PEAK1: variants seen among roughly 807,000 people sequenced by gnomAD.
PEAK1 encodes the protein pseudopodium enriched atypical kinase 1.
Under a neutral mutation model 124.7 loss-of-function variants are expected in PEAK1, and 54 were observed. The observed-to-expected ratio is 0.43, with a 90% CI of 0.35 to 0.54. The LOEUF (loss-of-function observed/expected upper bound fraction) is 0.54. Among genes scored for constraint, PEAK1 ranks in the 20% least tolerant of loss-of-function variants. PEAK1 has a pLI of 0.01. For synonymous variants in PEAK1, 719 were observed against 760.0 expected (o/e 0.95, Z 0.89); for missense variants, 2,046 against 2,134.5 (o/e 0.96, Z 0.82).
chr15:77,364,876 T>C (rs2068117292), intron 2 of PEAK1, among the ~76,000 whole-genome samples: 1 of 152,218 alleles, frequency 6.6e-6, no homozygotes, highest in South Asian at 2.1e-4. Context: ...AATGCCAATA[T>C]ATTCTCAAGT....
intron 6 of PEAK1, among the ~76,000 whole-genome samples, chr15:77,184,691 G>A (rs954145894): frequency 6.6e-6 from 1 of 152,220 alleles, no homozygotes; most frequent in African/African-American, 2.4e-5. Flanking sequence ...GAGGCCAGGA[G>A]TTTGAGACTA....
intron 6 of PEAK1, among the ~76,000 whole-genome samples, chr15:77,225,666 T>TTATTTATATA (rs1555448934): frequency 1.1e-5 from 1 of 87,994 alleles, no homozygotes; most frequent in Non-Finnish European, 2.3e-5. Flanking sequence ...TGTGTATAAT[T>TTATTTATATA]TATATATATA....
chr15:77,121,494 T>C (rs1365495497), intron 9 of PEAK1, among the ~76,000 whole-genome samples: 1 of 152,150 alleles, frequency 6.6e-6, no homozygotes. Context: ...CACTCATGAA[T>C]GACCTGACTA....
At chr15:77,365,741 T>TTA (rs1391922114) in intron 1 of PEAK1, among the ~76,000 whole-genome samples, 6 of 80,832 alleles carry the variant, frequency 7.4e-5, no homozygotes, top group African/African-American at 2.0e-4. Context: ...CTCCATCTCA[T>TTA]AAAAAAAAAA....
chr15:77,332,984 C>T (rs2065984223), intron 2 of PEAK1: 1 of 842,570 alleles, frequency 1.2e-6, no homozygotes, highest in Non-Finnish European at 1.4e-6. Flanking sequence ...GCTCCTTTTC[C>T]TATTCAGGCA....
intron 9 of PEAK1, among the ~76,000 whole-genome samples, chr15:77,117,211 T>G (rs1222825720): frequency 1.3e-5 from 2 of 152,336 alleles, no homozygotes; most frequent in Admixed American, 6.5e-5. Context: ...ATTGGATGGT[T>G]AAACTCTAGC....
intron 2 of PEAK1, chr15:77,347,991 T>C (rs1337464223): frequency 1.0e-6 from 1 of 985,114 alleles, no homozygotes; most frequent in Non-Finnish European, 1.2e-6. Context: ...TAACAAGACA[T>C]TTTGTAATAG....
Position 77,343,687 on chromosome 15 carries a change from T to A in PEAK1, c.-603+21476A>T, listed in dbSNP as rs1436859360. ...TTTTTATACAGATGGGATTTCACCA[T>A]GTTGGCCAGGCTAGTCACAAACTCC... On this transcript the variant is annotated intron_variant, in intron 2 of 9. Transcript: ENST00000682557. 9.9e-5 allele frequency among the ~76,000 whole-genome samples: 15 copies of A among 152,200 alleles called. No homozygotes were observed. In the East Asian group the frequency reaches 2.9e-3, roughly 29 times the overall value.
chr15:77,323,313 T>G (rs2065354601), intron 2 of PEAK1, among the ~76,000 whole-genome samples: 1 of 151,590 alleles, frequency 6.6e-6, no homozygotes, highest in African/African-American at 2.4e-5. Context: ...AAATAAAGGG[T>G]ATTCAATTAG....
chr15:77,349,718 C>T (rs1387677095), intron 2 of PEAK1: 1 of 985,220 alleles, frequency 1.0e-6, no homozygotes, highest in Non-Finnish European at 1.2e-6. Context: ...GCTAACCCTT[C>T]TATAAGTAGG....
Position 77,406,396 on chromosome 15 carries a change from A to G in PEAK1, c.-666+13610T>C, listed in dbSNP as rs148893166. ...CTGGAAAACCCTAAAGACTCATCCA[A>G]AAAGCTCCTAGGTCTGATAAATGAA... On this transcript the variant is annotated intron_variant, in intron 1 of 9. Transcript: ENST00000682557. Among the ~76,000 whole-genome samples the G allele has an allele frequency of 2.0e-5, 3 of 152,334 alleles. No individual in the cohort carries two copies. In the East Asian group the frequency reaches 5.8e-4, roughly 29 times the overall value.
In PEAK1 at chr15:77,351,113, C is replaced by G. The variant is rs1373588034; in HGVS notation, c.-603+14050G>C. On this transcript the variant is annotated intron_variant, in intron 2 of 9. Coordinates refer to ENST00000682557, the MANE Select transcript of PEAK1 (RefSeq NM_001385026.1). ...TTACATAATGAGACAAGTGCCATAACAACATGTATACAAACCACTATGGAA... is the reference window on the plus strand; with the variant it reads ...TTACATAATGAGACAAGTGCCATAAGAACATGTATACAAACCACTATGGAA... 5.4e-5 allele frequency: 10 copies of G among 185,284 alleles called. No individual in the cohort carries two copies. The Admixed American group carries it at 6.5e-4, about 12-fold the overall frequency. The allele number at this position is 185,284 out of a possible 1,614,324, so 11.5% of individuals were successfully genotyped here. A position where few individuals can be genotyped will look rare whatever the true frequency, so the allele number is the denominator to read the frequency against.
intron 8 of PEAK1, among the ~76,000 whole-genome samples, chr15:77,145,660 T>TA (rs1027098846): frequency 1.3e-5 from 2 of 152,128 alleles, no homozygotes; most frequent in Non-Finnish European, 2.9e-5. Flanking sequence ...CAGAATCTTT[T>TA]AAAAAATCCT....
intron 6 of PEAK1, among the ~76,000 whole-genome samples, chr15:77,228,351 G>A (rs1419504868): frequency 6.6e-6 from 1 of 152,070 alleles, no homozygotes; most frequent in East Asian, 1.9e-4. Context: ...GGCCTGTTCT[G>A]GGTCCCTATG....
intron 1 of PEAK1, among the ~76,000 whole-genome samples, chr15:77,405,400 G>A (rs531694762): frequency 1.1e-4 from 16 of 152,134 alleles, no homozygotes; most frequent in Non-Finnish European, 2.4e-4. Flanking sequence ...ATGGTAGCAT[G>A]ACAGATTTTC....
chr15:77,190,691 C>A (rs1012545926), intron 6 of PEAK1, among the ~76,000 whole-genome samples: 1 of 152,160 alleles, frequency 6.6e-6, no homozygotes, highest in Non-Finnish European at 1.5e-5. Context: ...GTAGATGATA[C>A]AGTTCTACCA....
intron 7 of PEAK1, among the ~76,000 whole-genome samples, chr15:77,168,235 G>GCACACACA (rs768288460): frequency 8.4e-5 from 5 of 59,582 alleles, no homozygotes; most frequent in South Asian, 1.4e-3. Flanking sequence ...GCATGTGCGC[G>GCACACACA]CGCACACACA....
At chr15:77,408,154 T>TAC (rs55866391) in intron 1 of PEAK1, among the ~76,000 whole-genome samples, 240 of 144,396 alleles carry the variant, frequency 1.7e-3, no homozygotes, top group African/African-American at 2.7e-3. Context: ...CATATATACA[T>TAC]ACACACACAC....
intron 8 of PEAK1, among the ~76,000 whole-genome samples, chr15:77,143,219 T>C (rs1596333955): frequency 6.6e-6 from 1 of 152,280 alleles, no homozygotes; most frequent in East Asian, 1.9e-4. Flanking sequence ...AGAAGTATGC[T>C]TTGTAATAAG....
Sources: allele counts gnomAD v4.1 joint callset (sites outside exome capture counted in the v4.1 genomes callset), GRCh38; gene constraint gnomAD v4.1.1; transcripts MANE v1.5; gene names NCBI Gene and HGNC (gene_info 2026-07-23, HGNC 2026-07-21).